RCHY1: variants seen among roughly 807,000 people sequenced by gnomAD.
The protein encoded by RCHY1 is ring finger and CHY zinc finger domain containing 1, also known as RING finger and CHY zinc finger domain-containing protein 1.
Under a neutral mutation model 41.6 loss-of-function variants are expected in RCHY1, and 21 were observed. The ratio of observed to expected loss-of-function variants is 0.51; its 90% CI spans 0.36 to 0.73. The LOEUF is 0.73. Ranked by LOEUF, RCHY1 falls within the 30% of genes least tolerant of loss-of-function variation. The pLI is 0.00. For synonymous variants in RCHY1, 79 were observed against 102.9 expected (o/e 0.77, Z 1.41); for missense variants, 265 against 325.3 (o/e 0.81, Z 1.43).
At position 75,487,717 on chromosome 4, in the gene RCHY1, CAT is replaced by C. The variant is rs372107342; in HGVS notation, c.657+2862_657+2863del. On this transcript the variant is annotated intron_variant, in intron 8 of 8. Transcript: ENST00000324439. ...CATATATATATTCATAATATATATT[CAT>C]ATATATATTCATAATATATATTCAT... is the stretch of plus-strand genomic sequence containing the variant. Among the ~76,000 whole-genome samples, 93 of 46,516 alleles carry C rather than the reference CAT, an allele frequency of 2.0e-3. 7 individuals carry two copies. The highest frequency in any genetic ancestry group is 0.029 in the Middle Eastern group (2 of 68). The allele number at this position is 46,516 out of a possible 152,430, so 30.5% of individuals were successfully genotyped here.
rs1721369831 is a variant in RCHY1, at chr4:75,479,601, C to A, written c.*2937G>T. 2 of 151,886 alleles carry A rather than the reference C, an allele frequency of 1.3e-5. No individual in the cohort carries two copies. Among genetic ancestry groups the A allele is most frequent in the South Asian group, 4.2e-4 (2 of 4,816 alleles). 9.4% of individuals were successfully genotyped at this position (151,886 alleles called of 1,614,324 possible). A position where few individuals can be genotyped will look rare whatever the true frequency, so the allele number is the denominator to read the frequency against. The stretch of plus-strand genomic sequence containing the variant: ...GAGTTCTATGTACTGGTTAAGAAGA[C>A]CCCAGAAACTAAGAAATGAACAACT... On this transcript the variant is annotated 3_prime_UTR_variant, in exon 9 of 9. Transcript: ENST00000324439.
At chr4:75,510,416 A>T (rs1332923766) in intron 1 of RCHY1, among the ~76,000 whole-genome samples, 1 of 152,234 alleles carries the variant, frequency 6.6e-6, no homozygotes, top group African/African-American at 2.4e-5. Context: ...AGAGATTTCC[A>T]GGCCAGTGAC....
Position 75,509,311 on chromosome 4 carries a change from GAA to G in RCHY1, c.91-17_91-16del, listed in dbSNP as rs772147664. 18 of 1,600,620 alleles carry G rather than the reference GAA, an allele frequency of 1.1e-5. No individual in the cohort carries two copies. The highest frequency in any genetic ancestry group is 8.5e-6 in the Non-Finnish European group (10 of 1,175,566). On this transcript the variant is annotated splice_polypyrimidine_tract_variant and intron_variant, in intron 1 of 8. Coordinates refer to ENST00000324439, the MANE Select transcript of RCHY1 (RefSeq NM_015436.4). ...CAGCAAGGTGCCTAACACCCACGGA[GAA>G]AAAAGAGATATAGTAAGAAGCAAAA...
chr4:75,483,310 T>C (rs1014106545), intron 8 of RCHY1, among the ~76,000 whole-genome samples: 1 of 152,196 alleles, frequency 6.6e-6, no homozygotes, highest in Non-Finnish European at 1.5e-5. Context: ...AGAAAAGCAC[T>C]AGTTTTTGAA....
intron 3 of RCHY1, among the ~76,000 whole-genome samples, chr4:75,500,126 G>GC (rs1348666786): frequency 6.6e-6 from 1 of 152,196 alleles, no homozygotes; most frequent in African/African-American, 2.4e-5. Flanking sequence ...GGGCAACAGA[G>GC]CAAGACCCTT....
intron 8 of RCHY1, among the ~76,000 whole-genome samples, chr4:75,488,011 T>A (rs1369254120): frequency 2.0e-5 from 3 of 148,396 alleles, no homozygotes; most frequent in Non-Finnish European, 3.0e-5. Context: ...CTTTTTTTTT[T>A]ACCTCTAACT....
At position 75,510,281 on chromosome 4, in the gene RCHY1, C is replaced by T. The variant is rs189922755; in HGVS notation, c.91-985G>A. Among the ~76,000 whole-genome samples, 508 of 152,274 alleles carry T rather than the reference C, an allele frequency of 3.3e-3. 1 individual carries two copies. Among genetic ancestry groups the T allele is most frequent in the Non-Finnish European group, 5.8e-3 (392 of 67,998 alleles). On this transcript the variant is annotated intron_variant, in intron 1 of 8. Coordinates refer to ENST00000324439, the MANE Select transcript of RCHY1 (RefSeq NM_015436.4). ...CTGGAGTGACCATGTGGAGCAAAGC[C>T]TCATCACCAACCTGCATCACTCGCC... is the stretch of plus-strand genomic sequence containing the variant.
intron 3 of RCHY1, among the ~76,000 whole-genome samples, chr4:75,498,364 C>T (rs1423939102): frequency 6.6e-6 from 1 of 150,906 alleles, no homozygotes. Context: ...AATCTGATGG[C>T]TTCACTGCTG....
chr4:75,492,470 G>A (rs1490434879), intron 4 of RCHY1, among the ~76,000 whole-genome samples: 1 of 151,906 alleles, frequency 6.6e-6, no homozygotes, highest in Non-Finnish European at 1.5e-5. Context: ...GAGAAGCTAA[G>A]GAACTTCCAA....
chr4:75,514,354 C>T lies in RCHY1; in HGVS notation c.-68G>A. ...ATAAAAACCACGCCCAGAGAAGCTG[C>T]GCCTCTCTAGCACACCCCTCCCAGC... On this transcript the variant is annotated 5_prime_UTR_variant, in exon 1 of 9. Coordinates refer to ENST00000324439, the MANE Select transcript of RCHY1 (RefSeq NM_015436.4). The T allele has an allele frequency of 9.8e-6, 15 of 1,536,092 alleles. No individual in the cohort carries two copies. Among genetic ancestry groups the T allele is most frequent in the Non-Finnish European group, 1.2e-5 (14 of 1,126,670 alleles).
rs374834456 is a variant in RCHY1, at chr4:75,490,714, G to T, written c.537-13C>A. On this transcript the variant is annotated splice_polypyrimidine_tract_variant and intron_variant, in intron 7 of 8. Transcript: ENST00000324439. The stretch of plus-strand genomic sequence containing the variant: ...ACATCTGTAGCCTCTGAAAGAGATA[G>T]AAAGGTTATTTTCCAAATATTAAAC... 1 of 1,589,038 alleles carries T rather than the reference G, an allele frequency of 6.3e-7. No individual in the cohort carries two copies. The highest frequency in any genetic ancestry group is 1.8e-5 in the Admixed American group (1 of 56,410).
Position 75,504,947 on chromosome 4 carries a change from T to G in RCHY1, c.326+3873A>C, listed in dbSNP as rs139009808. 2.3e-3 allele frequency among the ~76,000 whole-genome samples: 346 copies of G among 152,340 alleles called. 1 individual carries two copies. Among genetic ancestry groups the G allele is most frequent in the African/African-American group, 8.0e-3 (331 of 41,564 alleles). On this transcript the variant is annotated intron_variant, in intron 3 of 8. Transcript: ENST00000324439. ...AGTATATTCAGGGTTATCATAATAC[T>G]GAAAACACTGCCAAAGATATACTGC...
chr4:75,491,850 G>A (rs1560517234), intron 5 of RCHY1, 39 bp downstream of exon 5: 1 of 1,603,198 alleles, frequency 6.2e-7, no homozygotes, highest in Non-Finnish European at 8.5e-7. Flanking sequence ...TTAAATTCAA[G>A]AGCTGAGACT....
chr4:75,508,912 A>G lies in RCHY1; in HGVS notation c.234T>C (p.Cys78=). 6.2e-7 allele frequency: 1 copy of G among 1,606,910 alleles called. No individual in the cohort carries two copies. The highest frequency in any genetic ancestry group is 8.5e-7 in the Non-Finnish European group (1 of 1,177,416). Residue 78 remains cysteine (C), a synonymous_variant, in exon 3 of 9, where the codon TGT becomes TGC. Transcript: ENST00000324439. ...AATAATATTCTCCAAACAATGTGCTACATTCTTCACAAGTCTGTTGGGCCT... is the reference window on the plus strand; with the variant it reads ...AATAATATTCTCCAAACAATGTGCTGCATTCTTCACAAGTCTGTTGGGCCT... The part of the protein sequence containing the change: ...IQHAQQTCEE[C]STLFGEYYCD...
At chr4:75,503,084 A>G (rs1442159878) in intron 3 of RCHY1, among the ~76,000 whole-genome samples, 2 of 152,240 alleles carry the variant, frequency 1.3e-5, no homozygotes, top group Non-Finnish European at 2.9e-5. Flanking sequence ...ATTTTGAACC[A>G]GATAATACTT....
intron 3 of RCHY1, among the ~76,000 whole-genome samples, chr4:75,497,923 G>A (rs764568328): frequency 1.5e-4 from 23 of 150,924 alleles, no homozygotes; most frequent in Non-Finnish European, 2.8e-4. Context: ...AAAAGAAGAC[G>A]TGCACAGGAG....
chr4:75,505,028 C>T (rs1180804046), intron 3 of RCHY1, among the ~76,000 whole-genome samples: 1 of 152,194 alleles, frequency 6.6e-6, no homozygotes, highest in East Asian at 1.9e-4. Context: ...ACCTTTCTGG[C>T]ACCAGGGACT....
intron 4 of RCHY1, among the ~76,000 whole-genome samples, chr4:75,493,615 T>TA (rs1410570653): frequency 6.6e-6 from 1 of 151,912 alleles, no homozygotes; most frequent in African/African-American, 2.4e-5. Flanking sequence ...ATCAGTACTA[T>TA]AATGTAATAC....
At chr4:75,486,132 C>T (rs1368250239) in intron 8 of RCHY1, among the ~76,000 whole-genome samples, 1 of 152,150 alleles carries the variant, frequency 6.6e-6, no homozygotes, top group Non-Finnish European at 1.5e-5. Flanking sequence ...CAAGCATCAT[C>T]TTTACAGCTC....
Sources: gnomAD v4.1 joint callset for allele counts (sites outside exome capture counted in the v4.1 genomes callset) on GRCh38, gnomAD v4.1.1 for gene constraint, MANE v1.5 for transcripts, NCBI Gene and HGNC (gene_info 2026-07-23, HGNC 2026-07-21) for gene names.